Variants in RANBP17 observed in about 807,000 individuals in gnomAD.
RANBP17 encodes the protein RAN binding protein 17, also known as ran-binding protein 17.
RANBP17 carries 158 observed loss-of-function variants against 141.2 expected under a neutral mutation model. The observed-to-expected ratio is 1.12, with a 90% CI of 0.98 to 1.28. RANBP17 has a LOEUF of 1.28. Among genes scored for constraint, RANBP17 ranks in the 50% most tolerant of loss-of-function variants. The pLI is 0.00. For missense variants in RANBP17, 1,438 were observed against 1,290.7 expected (o/e 1.11, Z -1.75); for synonymous variants, 430 against 450.0 (o/e 0.96, Z 0.56).
chr5:171,154,362 C>T (rs934610391), intron 14 of RANBP17, among the ~76,000 whole-genome samples: 16 of 151,762 alleles, frequency 1.1e-4, no homozygotes, highest in African/African-American at 3.6e-4. Flanking sequence ...CTGCAAGCTC[C>T]GCCTCCCGAG....
intron 13 of RANBP17, among the ~76,000 whole-genome samples, chr5:170,964,652 G>GT (rs1561937488): frequency 6.6e-6 from 1 of 151,994 alleles, no homozygotes; most frequent in African/African-American, 2.4e-5. Context: ...GCAGTGTTTG[G>GT]TTTTTTGTCC....
chr5:170,956,841 G>A (rs1403990933), intron 13 of RANBP17, among the ~76,000 whole-genome samples: 1 of 151,782 alleles, frequency 6.6e-6, no homozygotes, highest in South Asian at 2.1e-4. Context: ...GGAGGCCAAG[G>A]TGGGCGGATC....
intron 18 of RANBP17, among the ~76,000 whole-genome samples, chr5:171,191,429 C>T (rs529073300): frequency 6.6e-6 from 1 of 152,240 alleles, no homozygotes; most frequent in South Asian, 2.1e-4. Flanking sequence ...TGGCTCACGC[C>T]TGTAATCCCA....
At chr5:171,000,297 C>T (rs1779112565) in intron 14 of RANBP17, among the ~76,000 whole-genome samples, 1 of 152,034 alleles carries the variant, frequency 6.6e-6, no homozygotes, top group African/African-American at 2.4e-5. Context: ...TTTTGAGGAA[C>T]CTCCATGCTC....
chr5:170,866,310 G>A (rs1767254187), intron 1 of RANBP17, among the ~76,000 whole-genome samples: 2 of 144,518 alleles, frequency 1.4e-5, no homozygotes, highest in South Asian at 4.1e-4. Flanking sequence ...ACTAAGGAGA[G>A]GGGGAAGCAA....
At chr5:171,211,527 G>A (rs1762886924) in intron 20 of RANBP17, among the ~76,000 whole-genome samples, 1 of 151,864 alleles carries the variant, frequency 6.6e-6, no homozygotes, top group African/African-American at 2.4e-5. Context: ...CTCCCAAAGT[G>A]CTAGGATTAT....
intron 8 of RANBP17, among the ~76,000 whole-genome samples, chr5:170,915,946 A>G (rs989825097): frequency 1.3e-5 from 2 of 152,158 alleles, no homozygotes; most frequent in African/African-American, 4.8e-5. Context: ...ATGAAAAAAC[A>G]TTAGAGGGGA....
intron 13 of RANBP17, among the ~76,000 whole-genome samples, chr5:170,961,610 C>T (rs1376678775): frequency 9.9e-5 from 15 of 152,092 alleles, no homozygotes; most frequent in Non-Finnish European, 2.2e-4. Flanking sequence ...AGGAAATGCT[C>T]ATTGAAGCAT....
At chr5:170,957,684 G>T (rs1016993343) in intron 13 of RANBP17, among the ~76,000 whole-genome samples, 1 of 151,986 alleles carries the variant, frequency 6.6e-6, no homozygotes, top group Admixed American at 6.6e-5. Context: ...GTTTAAAATC[G>T]CCCAGCTGTA....
chr5:171,040,289 G>A (rs1345733598), intron 14 of RANBP17, among the ~76,000 whole-genome samples: 1 of 152,114 alleles, frequency 6.6e-6, no homozygotes, highest in Non-Finnish European at 1.5e-5. Context: ...AATAGATGGG[G>A]AAAAAGCTTT....
chr5:171,265,963 T>A (rs572902189), intron 25 of RANBP17, 116 bp downstream of exon 25: 75 of 560,034 alleles, frequency 1.3e-4, no homozygotes, highest in Middle Eastern at 4.2e-4. Flanking sequence ...TGGTAAAAAA[T>A]ATATATATAT....
intron 14 of RANBP17, among the ~76,000 whole-genome samples, chr5:171,041,446 T>C (rs947324685): frequency 3.3e-5 from 5 of 152,156 alleles, no homozygotes; most frequent in African/African-American, 1.2e-4. Flanking sequence ...AATATCCTAG[T>C]TGAAATTATT....
chr5:170,971,366 AAAAATGCTATG>A (rs1261909406), intron 14 of RANBP17, among the ~76,000 whole-genome samples: 10 of 152,216 alleles, frequency 6.6e-5, no homozygotes, highest in African/African-American at 2.4e-4. Flanking sequence ...TCATTGTCAC[AAAAATGCTATG>A]AAAATAGCGA....
At chr5:170,918,916 G>T in intron 10 of RANBP17, 57 bp downstream of exon 10, 1 of 1,124,336 alleles carries the variant, frequency 8.9e-7, no homozygotes, top group Non-Finnish European at 1.2e-6. Context: ...CAGCTTCTTG[G>T]TAAGGGTTGG....
chr5:170,901,905 G>C (rs1770671832), intron 5 of RANBP17, among the ~76,000 whole-genome samples: 1 of 152,128 alleles, frequency 6.6e-6, no homozygotes, highest in Non-Finnish European at 1.5e-5. Flanking sequence ...TAGTCTGATG[G>C]GCTTCTCTTT....
intron 24 of RANBP17, among the ~76,000 whole-genome samples, chr5:171,248,728 G>A (rs970770904): frequency 6.6e-6 from 1 of 152,106 alleles, no homozygotes; most frequent in Non-Finnish European, 1.5e-5. Flanking sequence ...ATCTGCCCCT[G>A]GAAACCACAG....
At position 171,029,191 on chromosome 5, in the gene RANBP17, A is replaced by G. The variant is rs371558474; in HGVS notation, c.1710+60814A>G. ...ATTAATCACCTTATTAAATGATTCC[A>G]TTCTGTGTATAATGTGATCATTTTC... is the stretch of plus-strand genomic sequence containing the variant. On this transcript the variant is annotated intron_variant, in intron 14 of 27. Coordinates refer to ENST00000523189, the MANE Select transcript of RANBP17 (RefSeq NM_022897.5). The G allele has an allele frequency of 2.6e-5, 5 of 193,548 alleles. No individual in the cohort carries two copies. In the East Asian group the frequency reaches 4.9e-4, roughly 19 times the overall value. 12.0% of individuals were successfully genotyped at this position (193,548 alleles called of 1,614,324 possible).
In RANBP17 at chr5:171,112,209, A is replaced by C. The variant is rs978718524; in HGVS notation, c.1711-57921A>C. On this transcript the variant is annotated intron_variant, in intron 14 of 27. Transcript: ENST00000523189. The stretch of plus-strand genomic sequence containing the variant: ...TTAATGCTTGGTGAGCAGGGATAAC[A>C]GTTGTCCTCAATATAACTTTGCTTG... Among the ~76,000 whole-genome samples the C allele has an allele frequency of 3.9e-5, 6 of 152,230 alleles. No individual in the cohort carries two copies. The East Asian group carries it at 1.2e-3, about 29-fold the overall frequency.
chr5:171,063,461 G>T (rs1336333578), intron 14 of RANBP17, among the ~76,000 whole-genome samples: 1 of 152,198 alleles, frequency 6.6e-6, no homozygotes. Context: ...AGCAGCAGTG[G>T]CTGCAGAACA....
Sources: gnomAD v4.1 joint callset for allele counts (sites outside exome capture counted in the v4.1 genomes callset) on GRCh38, gnomAD v4.1.1 for gene constraint, MANE v1.5 for transcripts, NCBI Gene and HGNC (gene_info 2026-07-23, HGNC 2026-07-21) for gene names.